MED29: variants seen among roughly 807,000 people sequenced by gnomAD.
MED29 encodes the protein mediator complex subunit 29.
A neutral mutation model predicts 22.0 loss-of-function variants in MED29; 14 were observed. The ratio of observed to expected loss-of-function variants is 0.64; its 90% CI spans 0.42 to 0.99. The LOEUF (loss-of-function observed/expected upper bound fraction) is 0.99, where lower values mean the gene tolerates loss of function less well. Among genes scored for constraint, MED29 ranks in the 50% least tolerant of loss-of-function variants. MED29 has a pLI of 0.00. For synonymous variants in MED29, 123 were observed against 107.8 expected (o/e 1.14, Z -0.87); for missense variants, 241 against 253.7 (o/e 0.95, Z 0.34).
In MED29 at chr19:39,397,696, G is replaced by C; in HGVS notation, c.600G>C (p.Leu200=). The change falls in exon 4 of 4, where the codon CTG becomes CTC. Residue 200 remains leucine, a synonymous_variant. Transcript: ENST00000315588. ...CACCTGCTGGCCCTGGGGGCACTCT[G>C]TGAAGTGGGGGACAGGGAGTGGGGC... is the stretch of plus-strand genomic sequence containing the variant. ...PAPPAGPGGT[L] 6.2e-7 allele frequency: 1 copy of C among 1,607,590 alleles called. No homozygotes were observed. Among genetic ancestry groups the C allele is most frequent in the Non-Finnish European group, 8.5e-7 (1 of 1,179,302 alleles).
intron 3 of MED29, among the ~76,000 whole-genome samples, chr19:39,395,789 C>T (rs542687604): frequency 1.3e-3 from 200 of 152,114 alleles, no homozygotes; most frequent in Middle Eastern, 6.8e-3. Context: ...TGGTGGCAGG[C>T]GCCTGCAGTC....
intron 3 of MED29, among the ~76,000 whole-genome samples, chr19:39,397,222 T>G (rs1253710820): frequency 6.6e-6 from 1 of 152,050 alleles, no homozygotes; most frequent in Non-Finnish European, 1.5e-5. Context: ...GTTCTCACCT[T>G]ATGAGGTAGG....
Position 39,399,748 on chromosome 19 carries a change from A to G in MED29, c.*2049A>G, listed in dbSNP as rs956913818. 2.0e-5 allele frequency: 3 copies of G among 152,248 alleles called. No individual in the cohort carries two copies. The highest frequency in any genetic ancestry group is 7.2e-5 in the African/African-American group (3 of 41,444). The allele number at this position is 152,248 out of a possible 1,614,324, so 9.4% of individuals were successfully genotyped here. ...ATGTCGGTCCATGAGCGCACACACA[A>G]GACTGAGGGACTGTCGGCCCTCCCA... On this transcript the variant is annotated 3_prime_UTR_variant, in exon 4 of 4. Transcript: ENST00000315588.
chr19:39,394,673 C>T lies in MED29; in HGVS notation c.360+1036C>T, dbSNP rs367740841. ...TGGCCTCCCAGGTTCAAGCGATTCT[C>T]TTGCCTCAGCCTCCTGAGTAGCTGG... is the stretch of plus-strand genomic sequence containing the variant. On this transcript the variant is annotated intron_variant, in intron 3 of 3. Transcript: ENST00000315588. Among the ~76,000 whole-genome samples, 7 of 144,208 alleles carry T rather than the reference C, an allele frequency of 4.9e-5. 1 individual carries two copies. The highest frequency in any genetic ancestry group is 7.8e-5 in the African/African-American group (3 of 38,532). The allele number at this position is 144,208 out of a possible 152,430, so 94.6% of individuals were successfully genotyped here. A position where few individuals can be genotyped will look rare whatever the true frequency, so the allele number is the denominator to read the frequency against.
chr19:39,394,119 A>T (rs1331128180), intron 3 of MED29, among the ~76,000 whole-genome samples: 1 of 152,210 alleles, frequency 6.6e-6, no homozygotes, highest in Non-Finnish European at 1.5e-5. Context: ...ATGCACCATC[A>T]ATCTCTACCT....
chr19:39,391,431 A>G lies in MED29; in HGVS notation c.9A>G (p.Ala3=), dbSNP rs763302206. Residue 3 remains alanine (A), a synonymous_variant, in exon 1 of 4, where the codon GCA becomes GCG. Transcript: ENST00000315588. The stretch of plus-strand genomic sequence containing the variant: ...CGGTCTACGCGAGGAAGATGGCTGC[A>G]TCCCAGCAGCAAGCTTCAGCGGCTT... MA[A]SQQQASAASS... The G allele has an allele frequency of 1.9e-6, 3 of 1,612,658 alleles. No individual in the cohort carries two copies. The highest frequency in any genetic ancestry group is 2.5e-6 in the Non-Finnish European group (3 of 1,178,872).
At position 39,397,825 on chromosome 19, in the gene MED29, A is replaced by AG. The variant is rs2078437986; in HGVS notation, c.*131dup. On this transcript the variant is annotated 3_prime_UTR_variant, in exon 4 of 4. Coordinates refer to ENST00000315588, the MANE Select transcript of MED29 (RefSeq NM_017592.4). The stretch of plus-strand genomic sequence containing the variant: ...CCTGAGCACCGCAGCGGGAGCCAGC[A>AG]GGGGGCAGCAGAGGCCAACAGGGAG... 3 of 1,449,722 alleles carry AG rather than the reference A, an allele frequency of 2.1e-6. No individual in the cohort carries two copies. The highest frequency in any genetic ancestry group is 1.4e-5 in the African/African-American group (1 of 71,090). The allele number at this position is 1,449,722 out of a possible 1,614,324, so 89.8% of individuals were successfully genotyped here. A position where few individuals can be genotyped will look rare whatever the true frequency, so the allele number is the denominator to read the frequency against.
In MED29 at chr19:39,397,465, G is replaced by A. The variant is rs139596348; in HGVS notation, c.369G>A (p.Ala123=). 1,128 of 1,604,968 alleles carry A rather than the reference G, an allele frequency of 7.0e-4. 1 individual carries two copies. Among genetic ancestry groups the A allele is most frequent in the Admixed American group, 9.3e-4 (56 of 60,006 alleles). The change falls in exon 4 of 4, where the codon GCG becomes GCA. Residue 123 remains alanine (A), a synonymous_variant. Transcript: ENST00000315588. Reference sequence around the variant, plus strand: ...TGCCTGCCTGTCCACAGCGCCTGGCGCATGAGTGCCTGTCACAGAGTTGTG... The same window carrying A: ...TGCCTGCCTGTCCACAGCGCCTGGCACATGAGTGCCTGTCACAGAGTTGTG... ...CDQLELCLRL[A]HECLSQSCDS...
chr19:39,400,557 A>G lies in MED29; in HGVS notation c.*2858A>G, dbSNP rs1392762945. ...TATTGAAAAACATTAAAAGTTTGAG[A>G]ACTTAAGTTGGATTGTGGTTTCGTG... On this transcript the variant is annotated 3_prime_UTR_variant, in exon 4 of 4. Transcript: ENST00000315588. The G allele has an allele frequency of 6.6e-6, 1 of 152,206 alleles. No homozygotes were observed. The highest frequency in any genetic ancestry group is 1.5e-5 in the Non-Finnish European group (1 of 68,034). The allele number at this position is 152,206 out of a possible 1,614,324, so 9.4% of individuals were successfully genotyped here. A position where few individuals can be genotyped will look rare whatever the true frequency, so the allele number is the denominator to read the frequency against.
chr19:39,392,823 C>T (rs1425532802), intron 2 of MED29: 9 of 328,466 alleles, frequency 2.7e-5, no homozygotes, highest in East Asian at 5.4e-5. Context: ...TTTATAGAGA[C>T]GGAGTCTTGC....
At position 39,393,550 on chromosome 19, in the gene MED29, T is replaced by C; in HGVS notation, c.276-3T>C. ...TCAGACATCCTTTTTTCCTTGTCTG[T>C]AGAAAGAGCAGTGATGGACCCATAC... On this transcript the variant is annotated splice_region_variant and splice_polypyrimidine_tract_variant and intron_variant, in intron 2 of 3. Coordinates refer to ENST00000315588, the MANE Select transcript of MED29 (RefSeq NM_017592.4). The C allele has an allele frequency of 6.2e-7, 1 of 1,613,298 alleles. No homozygotes were observed.
At chr19:39,392,085 C>T (rs1237419895) in intron 1 of MED29, among the ~76,000 whole-genome samples, 1 of 152,128 alleles carries the variant, frequency 6.6e-6, no homozygotes, top group Admixed American at 6.5e-5. Flanking sequence ...CGAAGCTCGG[C>T]AGAGATGGGA....
In MED29 at chr19:39,393,064, CTTTCTTTCT is replaced by C. The variant is rs1465995429; in HGVS notation, c.276-486_276-478del. On this transcript the variant is annotated intron_variant, in intron 2 of 3. Coordinates refer to ENST00000315588, the MANE Select transcript of MED29 (RefSeq NM_017592.4). ...CATGCCCAGCCTTTTCCTTTTCTTTCTTTCTTTCTTTCTTTTCTTTTTTTTTTTTTTTTT... is the reference window on the plus strand; with the variant it reads ...CATGCCCAGCCTTTTCCTTTTCTTTCTTCTTTTCTTTTTTTTTTTTTTTTT... 2.8e-3 allele frequency among the ~76,000 whole-genome samples: 206 copies of C among 72,402 alleles called. 1 individual carries two copies. The highest frequency in any genetic ancestry group is 4.0e-3 in the Non-Finnish European group (148 of 37,032). The allele number at this position is 72,402 out of a possible 152,430, so 47.5% of individuals were successfully genotyped here. A position where few individuals can be genotyped will look rare whatever the true frequency, so the allele number is the denominator to read the frequency against.
intron 3 of MED29, among the ~76,000 whole-genome samples, chr19:39,394,573 T>C (rs2078418079): frequency 2.1e-5 from 3 of 140,980 alleles, no homozygotes; most frequent in South Asian, 4.8e-4. Flanking sequence ...TTTTTTTTTT[T>C]TTTTTTTTTG....
rs2078446928 is a variant in MED29 at position 39,399,129 on chromosome 19, T to G, written c.*1430T>G. 6.6e-6 allele frequency: 1 copy of G among 152,244 alleles called. No individual in the cohort carries two copies. Among genetic ancestry groups the G allele is most frequent in the Non-Finnish European group, 1.5e-5 (1 of 68,038 alleles). The allele number at this position is 152,244 out of a possible 1,614,324, so 9.4% of individuals were successfully genotyped here. ...CGATTTTGTAGGATAATCTCCCTTA[T>G]CTAAAGTCAACTGATTATGGACTTT... On this transcript the variant is annotated 3_prime_UTR_variant, in exon 4 of 4. Transcript: ENST00000315588.
Position 39,393,555 on chromosome 19 carries a change from A to G in MED29, c.278A>G (p.Lys93Arg), listed in dbSNP as rs2078411500. Residue 93 changes from lysine (K) to arginine (R), a missense_variant and splice_region_variant, in exon 3 of 4, where the codon AAG becomes AGG. Coordinates refer to ENST00000315588, the MANE Select transcript of MED29 (RefSeq NM_017592.4). Reference sequence around the variant, plus strand: ...CATCCTTTTTTCCTTGTCTGTAGAAAGAGCAGTGATGGACCCATACAGCGC... The same window carrying G: ...CATCCTTTTTTCCTTGTCTGTAGAAGGAGCAGTGATGGACCCATACAGCGC... ...IQNTNIDNGQ[K>R]SSDGPIQRFD... The G allele has an allele frequency of 6.2e-7, 1 of 1,613,878 alleles. No individual in the cohort carries two copies. The highest frequency in any genetic ancestry group is 1.1e-5 in the South Asian group (1 of 91,084).
In MED29 at chr19:39,392,476, G is replaced by C. The variant is rs1277485089; in HGVS notation, c.229G>C (p.Val77Leu). 1.2e-6 allele frequency: 2 copies of C among 1,614,006 alleles called. No homozygotes were observed. The highest frequency in any genetic ancestry group is 4.5e-5 in the East Asian group (2 of 44,874). The change falls in exon 2 of 4, where the codon GTT becomes CTT. Residue 77 changes from valine (V) to leucine (L), a missense_variant. Physicochemically the swap from Val to Leu is conservative, Grantham distance 32. Coordinates refer to ENST00000315588, the MANE Select transcript of MED29 (RefSeq NM_017592.4). ...TTGTTTTGACTAGACCTTGATGAAG[G>C]TTGCGGCCCAAAACTTGATTCAGAA... ...LKESLQTLMKVAAQNLIQNTN... is the reference protein window; with the variant it reads ...LKESLQTLMKLAAQNLIQNTN...
chr19:39,399,751 C>T lies in MED29; in HGVS notation c.*2052C>T, dbSNP rs897128685. The T allele has an allele frequency of 6.6e-5, 10 of 151,900 alleles. No homozygotes were observed. Among genetic ancestry groups the T allele is most frequent in the Admixed American group, 5.2e-4 (8 of 15,256 alleles). The allele number at this position is 151,900 out of a possible 1,614,324, so 9.4% of individuals were successfully genotyped here. A position where few individuals can be genotyped will look rare whatever the true frequency, so the allele number is the denominator to read the frequency against. Reference sequence around the variant, plus strand: ...TCGGTCCATGAGCGCACACACAAGACTGAGGGACTGTCGGCCCTCCCAGGT... The same window carrying T: ...TCGGTCCATGAGCGCACACACAAGATTGAGGGACTGTCGGCCCTCCCAGGT... On this transcript the variant is annotated 3_prime_UTR_variant, in exon 4 of 4. Transcript: ENST00000315588.
At chr19:39,396,168 C>T (rs930735044) in intron 3 of MED29, among the ~76,000 whole-genome samples, 4 of 152,102 alleles carry the variant, frequency 2.6e-5, no homozygotes, top group Non-Finnish European at 5.9e-5. Context: ...TGGTCAGGCG[C>T]GGTGGCTTGT....
Sources: gnomAD v4.1 joint callset for allele counts (sites outside exome capture counted in the v4.1 genomes callset) on GRCh38, gnomAD v4.1.1 for gene constraint, MANE v1.5 for transcripts, NCBI Gene and HGNC (gene_info 2026-07-23, HGNC 2026-07-21) for gene names.